Variants in DAAM1 observed in about 807,000 individuals in gnomAD.
DAAM1 encodes disheveled-associated activator of morphogenesis 1.
Under a neutral mutation model 130.0 loss-of-function variants are expected in DAAM1, and 52 were observed. That is an observed-to-expected ratio of 0.40 (90% CI 0.32 to 0.50). The LOEUF is 0.50. DAAM1 is among the 20% of genes least tolerant of loss of function. The pLI is 0.61. For synonymous variants in DAAM1, 452 were observed against 444.5 expected (o/e 1.02, Z -0.21); for missense variants, 1,134 against 1,303.8 (o/e 0.87, Z 2.01).
Position 59,246,292 on chromosome 14 carries a change from T to G in DAAM1, c.-37-17149T>G, listed in dbSNP as rs988399880. ...ATTTGAGTACTTTAGATACCTCATA[T>G]AAATGGAATCATACGGTATTTGTCT... On this transcript the variant is annotated intron_variant, in intron 1 of 24. Coordinates refer to ENST00000360909, the MANE Select transcript of DAAM1 (RefSeq NM_001270520.2). Among the ~76,000 whole-genome samples the G allele has an allele frequency of 2.6e-5, 4 of 152,224 alleles. 1 individual carries two copies. The highest frequency in any genetic ancestry group is 5.9e-5 in the Non-Finnish European group (4 of 68,022).
At chr14:59,311,925 C>A (rs184976967) in intron 3 of DAAM1, among the ~76,000 whole-genome samples, 1 of 152,102 alleles carries the variant, frequency 6.6e-6, no homozygotes, top group East Asian at 1.9e-4. Flanking sequence ...TCTTGAACTC[C>A]GGGCCTCAAG....
intron 1 of DAAM1, among the ~76,000 whole-genome samples, chr14:59,220,455 A>G (rs576002324): frequency 5.9e-5 from 9 of 152,330 alleles, no homozygotes; most frequent in South Asian, 2.1e-4. Flanking sequence ...TTGAAGAATG[A>G]ACTGGCTTAT....
chr14:59,332,574 A>T (rs1885484408), intron 15 of DAAM1, among the ~76,000 whole-genome samples: 1 of 152,232 alleles, frequency 6.6e-6, no homozygotes, highest in Non-Finnish European at 1.5e-5. Flanking sequence ...CTGGCACTCC[A>T]CATTGACAAG....
At chr14:59,246,226 C>T (rs944138738) in intron 1 of DAAM1, among the ~76,000 whole-genome samples, 3 of 152,072 alleles carry the variant, frequency 2.0e-5, no homozygotes, top group African/African-American at 7.2e-5. Flanking sequence ...TTTCCTGCTC[C>T]CCTGTCCCCT....
chr14:59,228,485 A>T (rs1182580545), intron 1 of DAAM1, among the ~76,000 whole-genome samples: 3 of 152,216 alleles, frequency 2.0e-5, no homozygotes, highest in African/African-American at 7.2e-5. Context: ...GTATCACTTG[A>T]CTTTTAATGA....
intron 1 of DAAM1, among the ~76,000 whole-genome samples, chr14:59,216,998 A>G (rs1174177622): frequency 1.3e-5 from 2 of 152,012 alleles, no homozygotes; most frequent in African/African-American, 4.8e-5. Context: ...CCAATATAGG[A>G]GTTTCCAGCA....
At chr14:59,282,837 G>A (rs1189266511) in intron 2 of DAAM1, among the ~76,000 whole-genome samples, 1 of 152,092 alleles carries the variant, frequency 6.6e-6, no homozygotes, top group Non-Finnish European at 1.5e-5. Flanking sequence ...ATAATTGTTA[G>A]CTATTACTAT....
intron 1 of DAAM1, among the ~76,000 whole-genome samples, chr14:59,193,969 C>T (rs889360053): frequency 6.6e-6 from 1 of 152,192 alleles, no homozygotes; most frequent in African/African-American, 2.4e-5. Flanking sequence ...TGGGCTACGT[C>T]ATTGACTGCA....
At chr14:59,274,020 C>T (rs1017588809) in intron 2 of DAAM1, among the ~76,000 whole-genome samples, 8 of 152,096 alleles carry the variant, frequency 5.3e-5, no homozygotes, top group African/African-American at 1.9e-4. Context: ...CCCAGAATTC[C>T]TCTGGAATTT....
intron 3 of DAAM1, among the ~76,000 whole-genome samples, chr14:59,308,926 A>G (rs1197574175): frequency 6.6e-6 from 1 of 152,218 alleles, no homozygotes; most frequent in Non-Finnish European, 1.5e-5. Context: ...GGATTTTGGT[A>G]ACAGATGTAC....
At chr14:59,307,625 A>G (rs1299040810) in intron 3 of DAAM1, among the ~76,000 whole-genome samples, 1 of 152,214 alleles carries the variant, frequency 6.6e-6, no homozygotes, top group African/African-American at 2.4e-5. Context: ...TATTGGCTCA[A>G]CTAGTCTTTC....
intron 6 of DAAM1, among the ~76,000 whole-genome samples, chr14:59,323,813 G>A (rs527933934): frequency 5.3e-5 from 8 of 152,066 alleles, no homozygotes; most frequent in South Asian, 4.2e-4. Flanking sequence ...CAGGCGGATC[G>A]CAAGGTCAGG....
Position 59,196,653 on chromosome 14 carries a change from G to A in DAAM1, c.-38+7885G>A, listed in dbSNP as rs182971951. Among the ~76,000 whole-genome samples, 434 of 152,176 alleles carry A rather than the reference G, an allele frequency of 2.9e-3. 1 individual carries two copies. The highest frequency in any genetic ancestry group is 6.8e-3 in the Middle Eastern group (2 of 294). ...AGCTACTCCGGAGGCTGAGGCAGGAGAATGGCGTGAACCCGGGAGGCGGAG... is the reference window on the plus strand; with the variant it reads ...AGCTACTCCGGAGGCTGAGGCAGGAAAATGGCGTGAACCCGGGAGGCGGAG... On this transcript the variant is annotated intron_variant, in intron 1 of 24. Transcript: ENST00000360909.
chr14:59,356,404 C>T (rs760583246), intron 20 of DAAM1, among the ~76,000 whole-genome samples: 18 of 152,172 alleles, frequency 1.2e-4, no homozygotes, highest in Non-Finnish European at 2.2e-4. Flanking sequence ...TTAATGTAAA[C>T]ACTTGATCCT....
intron 22 of DAAM1, chr14:59,362,923 A>G (rs1309877463): frequency 6.6e-6 from 1 of 152,122 alleles, no homozygotes; most frequent in African/African-American, 2.4e-5. Context: ...TCCAAACCTT[A>G]ATTTATATGT....
chr14:59,285,749 T>C (rs759709738), intron 2 of DAAM1, among the ~76,000 whole-genome samples: 28 of 152,150 alleles, frequency 1.8e-4, no homozygotes, highest in Non-Finnish European at 2.9e-4. Flanking sequence ...ACATACCCAA[T>C]ATTGGAGCAC....
intron 15 of DAAM1, among the ~76,000 whole-genome samples, chr14:59,334,578 C>T (rs983308061): frequency 6.6e-6 from 1 of 152,070 alleles, no homozygotes; most frequent in Non-Finnish European, 1.5e-5. Flanking sequence ...TGTATGCATG[C>T]AACAGGAACC....
intron 1 of DAAM1, among the ~76,000 whole-genome samples, chr14:59,217,785 A>G (rs935472068): frequency 2.0e-5 from 3 of 152,084 alleles, no homozygotes; most frequent in African/African-American, 7.2e-5. Context: ...AGCCTGGCCA[A>G]TATGGTGAAA....
chr14:59,368,076 T>C (rs1886992577), intron 24 of DAAM1, among the ~76,000 whole-genome samples: 1 of 152,138 alleles, frequency 6.6e-6, no homozygotes, highest in South Asian at 2.1e-4. Context: ...TGTTAATACA[T>C]ATAGAAAATA....
Sources: allele counts gnomAD v4.1 joint callset (sites outside exome capture counted in the v4.1 genomes callset), GRCh38; gene constraint gnomAD v4.1.1; transcripts MANE v1.5; gene names NCBI Gene and HGNC (gene_info 2026-07-23, HGNC 2026-07-21).